ATG13: variants seen among roughly 807,000 people sequenced by gnomAD.
ATG13 encodes autophagy-related protein 13.
ATG13 carries 23 observed loss-of-function variants against 65.5 expected under a neutral mutation model. The ratio of observed to expected loss-of-function variants is 0.35; its 90% CI spans 0.25 to 0.50. The LOEUF (loss-of-function observed/expected upper bound fraction) is 0.50. Among genes scored for constraint, ATG13 ranks in the 20% least tolerant of loss-of-function variants. ATG13 has a pLI of 0.98. For synonymous variants in ATG13, 252 were observed against 245.2 expected (o/e 1.03, Z -0.26); for missense variants, 566 against 677.0 (o/e 0.84, Z 1.82).
At chr11:46,618,195 A>G (rs1362501057) in intron 1 of ATG13, 5 of 293,432 alleles carry the variant, frequency 1.7e-5, no homozygotes, top group Non-Finnish European at 3.1e-5. Flanking sequence ...GGGTGCCAAT[A>G]TGAGTGAGGT....
At chr11:46,651,687 C>T (rs893772905) in intron 7 of ATG13, among the ~76,000 whole-genome samples, 2 of 152,084 alleles carry the variant, frequency 1.3e-5, no homozygotes, top group South Asian at 2.1e-4. Context: ...TGAAATAATC[C>T]GGTACCTGAG....
At chr11:46,638,881 C>T (rs917403418) in intron 2 of ATG13, among the ~76,000 whole-genome samples, 5 of 152,152 alleles carry the variant, frequency 3.3e-5, no homozygotes, top group African/African-American at 9.7e-5. Context: ...GGTATTGGCT[C>T]ACTGCAACCT....
At chr11:46,618,110 C>T (rs1339315918) in intron 1 of ATG13, 3 of 386,386 alleles carry the variant, frequency 7.8e-6, no homozygotes, top group Non-Finnish European at 1.4e-5. Flanking sequence ...GAGCTTTCCT[C>T]TCCACTTTTT....
intron 2 of ATG13, among the ~76,000 whole-genome samples, chr11:46,643,829 T>A (rs1217332445): frequency 6.6e-6 from 1 of 152,160 alleles, no homozygotes; most frequent in African/African-American, 2.4e-5. Context: ...TTCCTATATG[T>A]ATGTTTTTTT....
intron 18 of ATG13, among the ~76,000 whole-genome samples, chr11:46,669,771 TG>T (rs1174589843): frequency 1.3e-5 from 2 of 152,286 alleles, no homozygotes; most frequent in East Asian, 3.9e-4. Context: ...ATGCTCCTGT[TG>T]TTCTGTGCCT....
intron 7 of ATG13, among the ~76,000 whole-genome samples, chr11:46,650,910 T>A (rs912966399): frequency 3.3e-5 from 5 of 152,126 alleles, no homozygotes; most frequent in Non-Finnish European, 2.9e-5. Flanking sequence ...GGCCTGGAAG[T>A]CAAGACTTTG....
Position 46,650,201 on chromosome 11 carries a change from C to G in ATG13, c.342C>G (p.Ser114=). 1 of 1,613,938 alleles carries G rather than the reference C, an allele frequency of 6.2e-7. No individual in the cohort carries two copies. Among genetic ancestry groups the G allele is most frequent in the African/African-American group, 1.3e-5 (1 of 75,046 alleles). Reference sequence around the variant, plus strand: ...GGTGTGATAAAGAAATCAAAGTTTCCTACACGGTGTACAACAGACTGTCAT... The same window carrying G: ...GGTGTGATAAAGAAATCAAAGTTTCGTACACGGTGTACAACAGACTGTCAT... ...NEKCDKEIKV[S]YTVYNRLSLL... The change falls in exon 7 of 19, where the codon TCC becomes TCG. Residue 114 remains serine (S), a synonymous_variant. Coordinates refer to ENST00000683050, the MANE Select transcript of ATG13 (RefSeq NM_001346311.2).
chr11:46,645,957 ATG>A lies in ATG13; in HGVS notation c.245_246del (p.Val82GlyfsTer5). 3.1e-6 allele frequency: 5 copies of A among 1,614,196 alleles called. No individual in the cohort carries two copies. The highest frequency in any genetic ancestry group is 4.2e-6 in the Non-Finnish European group (5 of 1,180,012). On this transcript the variant is annotated frameshift_variant, in exon 5 of 19. Transcript: ENST00000683050. LOFTEE classifies it high-confidence loss of function. The stretch of plus-strand genomic sequence containing the variant: ...ACAGCTGCCTGCAGTCGGGAGGTCC[ATG>A]TGTGTGGAGATTTCACTTAAGACTT... The part of the protein sequence containing the change: ...AGQLPAVGRS[M>X]CVEISLKTSE...
At chr11:46,659,323 C>T (rs1244338737) in intron 10 of ATG13, 69 bp from the exon 11 acceptor site, 5 of 1,281,972 alleles carry the variant, frequency 3.9e-6, no homozygotes, top group East Asian at 2.3e-5. Flanking sequence ...TATCTAATCA[C>T]CTTTTATAGC....
chr11:46,632,854 T>C (rs61884271), intron 2 of ATG13, among the ~76,000 whole-genome samples: 21,419 of 151,228 alleles, frequency 0.14, 1,568 homozygotes, highest in Non-Finnish European at 0.17. Flanking sequence ...TCTCTTTCTC[T>C]CTACTTTCTC....
At chr11:46,648,874 T>A (rs1324471846) in intron 5 of ATG13, 1 of 269,822 alleles carries the variant, frequency 3.7e-6, no homozygotes, top group Non-Finnish European at 6.8e-6. Flanking sequence ...TATGGTGGGA[T>A]ACTGTGGAAC....
rs2060242561 is a variant in ATG13 at position 46,657,332 on chromosome 11, A to G, written c.596+141A>G. The G allele has an allele frequency of 1.2e-5, 11 of 947,918 alleles. No homozygotes were observed. In the South Asian group the frequency reaches 1.2e-4, roughly 10 times the overall value. 58.7% of individuals were successfully genotyped at this position (947,918 alleles called of 1,614,324 possible). ...AGAATAAAGAGAGAGTGCAGTTGCC[A>G]GATTGGAGAATTTGAGTGTCCCAGA... On this transcript the variant is annotated intron_variant, in intron 9 of 18. Transcript: ENST00000683050.
chr11:46,657,238 A>C (rs2060222697), intron 9 of ATG13, 47 bp downstream of exon 9: 1 of 1,535,540 alleles, frequency 6.5e-7, no homozygotes, highest in Non-Finnish European at 9.0e-7. Flanking sequence ...GAAAATGTTA[A>C]AGTTTTTTTT....
intron 1 of ATG13, among the ~76,000 whole-genome samples, chr11:46,623,323 G>A (rs1051282991): frequency 2.6e-5 from 4 of 152,094 alleles, no homozygotes; most frequent in Non-Finnish European, 5.9e-5. Context: ...TTTGAAGTAC[G>A]TCCATAAAGA....
chr11:46,620,891 G>A (rs2047284539), intron 1 of ATG13, among the ~76,000 whole-genome samples: 1 of 152,142 alleles, frequency 6.6e-6, no homozygotes, highest in African/African-American at 2.4e-5. Flanking sequence ...AACCTCCTGT[G>A]GAGCAGAAAA....
Position 46,672,625 on chromosome 11 carries a change from C to A in ATG13, c.*293C>A. The A allele has an allele frequency of 7.1e-7, 1 of 1,409,842 alleles. No homozygotes were observed. 87.3% of individuals were successfully genotyped at this position (1,409,842 alleles called of 1,614,324 possible). The stretch of plus-strand genomic sequence containing the variant: ...ATCTGTGTGCCCTGCCCATCACCAA[C>A]TGCTTCCCAAGGGTGTCATCCTGTT... On this transcript the variant is annotated 3_prime_UTR_variant, in exon 19 of 19. Transcript: ENST00000683050.
intron 18 of ATG13, among the ~76,000 whole-genome samples, chr11:46,670,077 T>C (rs929682482): frequency 1.1e-4 from 16 of 152,174 alleles, no homozygotes; most frequent in Non-Finnish European, 1.5e-5. Context: ...GGGTGCCCCA[T>C]GCCAGGAGAT....
intron 18 of ATG13, among the ~76,000 whole-genome samples, chr11:46,672,044 C>A (rs1322460628): frequency 6.6e-6 from 1 of 152,208 alleles, no homozygotes; most frequent in African/African-American, 2.4e-5. Flanking sequence ...CTCCCAAGGC[C>A]GTTCCATTAA....
At chr11:46,626,656 T>C (rs2049768584) in intron 1 of ATG13, among the ~76,000 whole-genome samples, 1 of 152,220 alleles carries the variant, frequency 6.6e-6, no homozygotes, top group Admixed American at 6.5e-5. Context: ...TAACCTGTGT[T>C]CCCATAGATT....
Sources: gnomAD v4.1 joint callset for allele counts (sites outside exome capture counted in the v4.1 genomes callset) on GRCh38, gnomAD v4.1.1 for gene constraint, MANE v1.5 for transcripts, NCBI Gene and HGNC (gene_info 2026-07-23, HGNC 2026-07-21) for gene names.